Variants in ATP8A2 observed in about 807,000 individuals in gnomAD.
The protein encoded by ATP8A2 is ATPase phospholipid transporting 8A2, also known as phospholipid-transporting ATPase IB.
Under a neutral mutation model 165.6 loss-of-function variants are expected in ATP8A2, and 100 were observed. That is an observed-to-expected ratio of 0.60 (90% CI 0.51 to 0.71). The LOEUF (loss-of-function observed/expected upper bound fraction) is 0.71, where lower values mean the gene tolerates loss of function less well. Among genes scored for constraint, ATP8A2 ranks in the 30% least tolerant of loss-of-function variants. The pLI, the probability that ATP8A2 is intolerant of heterozygous loss-of-function variation, is 0.00. For missense variants in ATP8A2, 1,227 were observed against 1,479.5 expected, an observed-to-expected ratio of 0.83 and a Z score of 2.80; for synonymous variants, 543 against 548.8, an observed-to-expected ratio of 0.99 and a Z score of 0.15.
Position 25,372,919 on chromosome 13 carries a change from A to C in ATP8A2, c.76+631A>C, listed in dbSNP as rs920356566. Among the ~76,000 whole-genome samples, 2 of 152,064 alleles carry C rather than the reference A, an allele frequency of 1.3e-5. No homozygotes were observed. The highest frequency in any genetic ancestry group is 1.3e-4 in the Admixed American group (2 of 15,274). On this transcript the variant is annotated intron_variant, in intron 1 of 36. Coordinates refer to ENST00000381655, the MANE Select transcript of ATP8A2 (RefSeq NM_016529.6). The surrounding 1 kb of genome is among the most constrained non-coding windows in gnomAD (Gnocchi z 4.8). ...CAGGTACACACACACGTACACACGCACGCGTACACATACCCTGCCTGCAGG... is the reference window on the plus strand; with the variant it reads ...CAGGTACACACACACGTACACACGCCCGCGTACACATACCCTGCCTGCAGG...
intron 25 of ATP8A2, among the ~76,000 whole-genome samples, chr13:25,762,042 A>G (rs2044389924): frequency 6.6e-6 from 1 of 151,940 alleles, no homozygotes; most frequent in Non-Finnish European, 1.5e-5. Flanking sequence ...CAGGCAGATC[A>G]CCTGAGGTCA....
chr13:25,970,941 A>G (rs1402506701), intron 35 of ATP8A2, among the ~76,000 whole-genome samples: 1 of 152,210 alleles, frequency 6.6e-6, no homozygotes, highest in African/African-American at 2.4e-5. Flanking sequence ...CCTACCGTCT[A>G]CATTTGAAAG....
intron 35 of ATP8A2, among the ~76,000 whole-genome samples, chr13:25,999,362 C>T (rs572695078): frequency 3.2e-4 from 48 of 152,320 alleles, no homozygotes; most frequent in Admixed American, 6.5e-4. Context: ...TTTGACCTCT[C>T]TCTGGTCCCC....
chr13:26,016,891 C>T (rs1178905254), intron 36 of ATP8A2, among the ~76,000 whole-genome samples: 2 of 152,230 alleles, frequency 1.3e-5, no homozygotes, highest in African/African-American at 4.8e-5. Context: ...TGGGCCTTGC[C>T]TGGTCCAGGC....
At chr13:25,694,573 C>G (rs1036737382) in intron 24 of ATP8A2, among the ~76,000 whole-genome samples, 5 of 152,320 alleles carry the variant, frequency 3.3e-5, no homozygotes, top group African/African-American at 1.2e-4. Flanking sequence ...ATTTTTTTCT[C>G]TCTACCCAAA....
At position 25,895,721 on chromosome 13, in the gene ATP8A2, G is replaced by C. The variant is rs544893557; in HGVS notation, c.3183+33313G>C. Among the ~76,000 whole-genome samples, 20 of 142,574 alleles carry C rather than the reference G, an allele frequency of 1.4e-4. 1 individual carries two copies. The South Asian group carries it at 4.0e-3, about 29-fold the overall frequency. The allele number at this position is 142,574 out of a possible 152,430, so 93.5% of individuals were successfully genotyped here. A position where few individuals can be genotyped will look rare whatever the true frequency, so the allele number is the denominator to read the frequency against. ...TGCCTCAATTTCAGAGCCTGTTATT[G>C]GTCTATTCAGAGATTCAACTTATTC... On this transcript the variant is annotated intron_variant, in intron 33 of 36. Coordinates refer to ENST00000381655, the MANE Select transcript of ATP8A2 (RefSeq NM_016529.6).
chr13:25,789,759 C>A (rs1015036339), intron 27 of ATP8A2, among the ~76,000 whole-genome samples: 3 of 152,070 alleles, frequency 2.0e-5, no homozygotes, highest in African/African-American at 4.8e-5. Flanking sequence ...AGAAATGAGC[C>A]CCAATAGCCA....
chr13:25,811,018 A>G (rs967657062), intron 27 of ATP8A2, among the ~76,000 whole-genome samples: 2 of 151,928 alleles, frequency 1.3e-5, no homozygotes, highest in East Asian at 3.9e-4. Context: ...TTAAGGGATG[A>G]ATCTAATACA....
intron 1 of ATP8A2, among the ~76,000 whole-genome samples, chr13:25,418,503 C>T (rs2034200911): frequency 6.6e-6 from 1 of 151,882 alleles, no homozygotes; most frequent in South Asian, 2.1e-4. Flanking sequence ...AATCATAACT[C>T]TCATAGACAT....
At position 25,441,503 on chromosome 13, in the gene ATP8A2, T is replaced by C. The variant is rs114776757; in HGVS notation, c.77-27474T>C. On this transcript the variant is annotated intron_variant, in intron 1 of 36. Transcript: ENST00000381655. ...AGTGCGGCGTGGACTGTGAAATACT[T>C]GACCGTTCTGGGCTTCTCCTGGCCT... Among the ~76,000 whole-genome samples, 487 of 152,336 alleles carry C rather than the reference T, an allele frequency of 3.2e-3. 4 individuals carry two copies. Among genetic ancestry groups the C allele is most frequent in the African/African-American group, 0.011 (469 of 41,586 alleles).
Position 25,465,715 on chromosome 13 carries a change from C to CT in ATP8A2, c.77-3259dup, listed in dbSNP as rs553219083. Among the ~76,000 whole-genome samples the CT allele has an allele frequency of 8.7e-4, 37 of 42,334 alleles. 1 individual carries two copies. The highest frequency in any genetic ancestry group is 1.3e-3 in the African/African-American group (14 of 10,958). 27.8% of individuals were successfully genotyped at this position (42,334 alleles called of 152,430 possible). ...TCTTTCTTTCTTTCTTTCTTTCTTT[C>CT]TTTCTTTCTTTCTTTCTTTCTTTCC... On this transcript the variant is annotated intron_variant, in intron 1 of 36. Coordinates refer to ENST00000381655, the MANE Select transcript of ATP8A2 (RefSeq NM_016529.6).
chr13:25,576,539 C>A (rs190243771), intron 19 of ATP8A2, among the ~76,000 whole-genome samples: 1 of 151,890 alleles, frequency 6.6e-6, no homozygotes, highest in Non-Finnish European at 1.5e-5. Context: ...TGAGGAAAGA[C>A]GTGTGAGGAA....
intron 10 of ATP8A2, among the ~76,000 whole-genome samples, chr13:25,544,518 A>G (rs1345431016): frequency 6.6e-6 from 1 of 152,202 alleles, no homozygotes; most frequent in Non-Finnish European, 1.5e-5. Context: ...AGATGGGATT[A>G]GAAGGGTTGA....
chr13:25,592,875 G>A (rs1301375539), intron 24 of ATP8A2, among the ~76,000 whole-genome samples: 1 of 152,174 alleles, frequency 6.6e-6, no homozygotes, highest in African/African-American at 2.4e-5. Flanking sequence ...AACCTTCTAA[G>A]AATGATTCTT....
intron 33 of ATP8A2, among the ~76,000 whole-genome samples, chr13:25,947,008 A>G (rs998026234): frequency 1.3e-5 from 2 of 152,120 alleles, no homozygotes; most frequent in African/African-American, 4.8e-5. Flanking sequence ...TCGGCCTCCT[A>G]GAGTGCTGGG....
chr13:25,690,684 G>A (rs1390557620), intron 24 of ATP8A2, among the ~76,000 whole-genome samples: 3 of 152,192 alleles, frequency 2.0e-5, no homozygotes, highest in African/African-American at 7.2e-5. Context: ...AGGTGTTTGT[G>A]AGCATGAAGA....
intron 33 of ATP8A2, among the ~76,000 whole-genome samples, chr13:25,934,425 C>G (rs1224306284): frequency 6.6e-6 from 1 of 152,218 alleles, no homozygotes; most frequent in Admixed American, 6.5e-5. Flanking sequence ...TCGCAAGGCA[C>G]AGTGGCAGGA....
chr13:25,443,991 T>C (rs1209802147), intron 1 of ATP8A2, among the ~76,000 whole-genome samples: 2 of 152,264 alleles, frequency 1.3e-5, no homozygotes, highest in African/African-American at 4.8e-5. Flanking sequence ...CATACCTGAA[T>C]GCATTTTTAT....
intron 30 of ATP8A2, among the ~76,000 whole-genome samples, chr13:25,848,723 A>G (rs890691798): frequency 2.6e-5 from 4 of 152,198 alleles, no homozygotes; most frequent in East Asian, 1.9e-4. Context: ...TAACACTTGT[A>G]TAAACCCTGC....
Sources: allele counts gnomAD v4.1 joint callset (sites outside exome capture counted in the v4.1 genomes callset), GRCh38; gene constraint gnomAD v4.1.1; non-coding constraint Gnocchi (gnomAD v3.1); transcripts MANE v1.5; gene names NCBI Gene and HGNC (gene_info 2026-07-23, HGNC 2026-07-21).